SYNPO2: variants seen among roughly 807,000 people sequenced by gnomAD.
SYNPO2 encodes the protein synaptopodin-2.
Under a neutral mutation model 85.0 loss-of-function variants are expected in SYNPO2, and 56 were observed. That is an observed-to-expected ratio of 0.66 (90% CI 0.53 to 0.82). SYNPO2 has a LOEUF of 0.82. Among genes scored for constraint, SYNPO2 ranks in the 40% least tolerant of loss-of-function variants. The probability of loss-of-function intolerance (pLI) is 0.00; values close to 1 mark genes in which losing one functional copy is unlikely to be tolerated. For missense variants in SYNPO2, 1,575 were observed against 1,534.2 expected, an observed-to-expected ratio of 1.03 and a Z score of -0.44; for synonymous variants, 602 against 591.1, an observed-to-expected ratio of 1.02 and a Z score of -0.27.
intron 1 of SYNPO2, among the ~76,000 whole-genome samples, chr4:118,890,697 T>TTCTTTCTCTCTCTCTCTCTCTC (rs1553935597): frequency 8.6e-5 from 7 of 81,754 alleles, no homozygotes; most frequent in Non-Finnish European, 1.3e-4. Context: ...TCTCATCGGT[T>TTCTTTCTCTCTCTCTCTCTCTC]TCTCTCTCTC....
At chr4:118,990,818 A>T (rs781009140) in intron 1 of SYNPO2, among the ~76,000 whole-genome samples, 5 of 152,256 alleles carry the variant, frequency 3.3e-5, no homozygotes, top group South Asian at 2.1e-4. Context: ...CATGTTGCCC[A>T]GGCTGGTCTC....
chr4:118,952,392 T>G (rs1734732479), intron 1 of SYNPO2, among the ~76,000 whole-genome samples: 1 of 152,068 alleles, frequency 6.6e-6, no homozygotes, highest in Non-Finnish European at 1.5e-5. Context: ...TATTTTATTA[T>G]TATTATACTT....
In SYNPO2 at chr4:119,057,886, T is replaced by A; in HGVS notation, c.3738T>A (p.Ala1246=). The part of the protein sequence containing the change: ...ETRSDYCLPV[A]DYNYNPHPRG... ...GGTCTGATTACTGTCTTCCAGTAGC[T>A]GATTACAACTACAACCCACACCCAA... Residue 1246 remains alanine, a synonymous_variant, in exon 5 of 5, where the codon GCT becomes GCA. Transcript: ENST00000307142. 3.7e-6 allele frequency: 6 copies of A among 1,614,092 alleles called. No homozygotes were observed. The Admixed American group carries it at 6.7e-5, about 18-fold the overall frequency.
At chr4:118,996,402 T>A (rs1031554437) in intron 1 of SYNPO2, among the ~76,000 whole-genome samples, 3 of 152,214 alleles carry the variant, frequency 2.0e-5, no homozygotes, top group Admixed American at 6.5e-5. Flanking sequence ...GCCAGATGTA[T>A]AACTTGTTTT....
chr4:118,879,494 T>C (rs1209459981), intron 1 of SYNPO2, among the ~76,000 whole-genome samples: 1 of 152,180 alleles, frequency 6.6e-6, no homozygotes, highest in African/African-American at 2.4e-5. Context: ...AGAGATGATC[T>C]TTCTCTATGT....
At chr4:118,927,738 A>AGAT (rs879901349) in intron 1 of SYNPO2, among the ~76,000 whole-genome samples, 12,463 of 129,614 alleles carry the variant, frequency 0.096, 734 homozygotes, top group Middle Eastern at 0.11. Flanking sequence ...ATAGATAGAT[A>AGAT]GATAGATAGA....
At chr4:118,898,850 C>A (rs1299767929) in intron 1 of SYNPO2, among the ~76,000 whole-genome samples, 1 of 152,200 alleles carries the variant, frequency 6.6e-6, no homozygotes, top group Non-Finnish European at 1.5e-5. Context: ...TACCACAGTT[C>A]TCTCAAACAC....
chr4:118,950,062 A>AGAG lies in SYNPO2; in HGVS notation c.105+60923_105+60924insGGA, dbSNP rs546940815. Among the ~76,000 whole-genome samples the AGAG allele has an allele frequency of 7.2e-3, 1,088 of 151,532 alleles. 15 individuals are homozygous for AGAG. Among genetic ancestry groups the AGAG allele is most frequent in the African/African-American group, 0.024 (973 of 41,312 alleles). ...AGATGCATTTAACCAAGTTTGAAAA[A>AGAG]GATGACATTCTGTTAAAAGAAATCA... On this transcript the variant is annotated intron_variant, in intron 1 of 4. Transcript: ENST00000307142.
chr4:119,054,226 AG>A (rs1450009057), intron 4 of SYNPO2, among the ~76,000 whole-genome samples: 3 of 152,214 alleles, frequency 2.0e-5, no homozygotes, highest in South Asian at 2.1e-4. Flanking sequence ...GCGACCCCAA[AG>A]CCCCAGAGGG....
intron 1 of SYNPO2, among the ~76,000 whole-genome samples, chr4:118,890,607 C>T (rs189416684): frequency 9.5e-5 from 14 of 148,116 alleles, no homozygotes; most frequent in Non-Finnish European, 1.3e-4. Context: ...TTGGCTGGCT[C>T]TAGGTATGAG....
At chr4:119,057,031 A>T (rs1739228751) in intron 4 of SYNPO2, among the ~76,000 whole-genome samples, 1 of 152,206 alleles carries the variant, frequency 6.6e-6, no homozygotes, top group Non-Finnish European at 1.5e-5. Context: ...ACATATGCTT[A>T]TGTGGAGGGC....
rs756544350 is a variant in SYNPO2, at chr4:119,030,659, C to T, written c.1884C>T (p.Pro628=). The change falls in exon 4 of 5, where the codon CCC becomes CCT. Residue 628 remains proline, a synonymous_variant. Coordinates refer to ENST00000307142, the MANE Select transcript of SYNPO2 (RefSeq NM_133477.3). ...CACCTTACTCTGCAGTCACTCCTCC[C>T]CCTGACGCCTTCTCCAGAGGGGTTT... The part of the protein sequence containing the change: ...APPPYSAVTP[P]PDAFSRGVSS... 1 of 1,614,160 alleles carries T rather than the reference C, an allele frequency of 6.2e-7. No homozygotes were observed. Among genetic ancestry groups the T allele is most frequent in the Non-Finnish European group, 8.5e-7 (1 of 1,180,038 alleles).
At chr4:118,910,855 T>C (rs1733112243) in intron 1 of SYNPO2, among the ~76,000 whole-genome samples, 2 of 152,198 alleles carry the variant, frequency 1.3e-5, no homozygotes, top group Admixed American at 1.3e-4. Flanking sequence ...AGAATCATCC[T>C]TTAAAGTCCA....
intron 1 of SYNPO2, among the ~76,000 whole-genome samples, chr4:118,999,657 T>G (rs1249586934): frequency 2.0e-5 from 3 of 152,274 alleles, no homozygotes; most frequent in Non-Finnish European, 4.4e-5. Flanking sequence ...TGCAAAGTAA[T>G]TTTTACTGAG....
At chr4:119,051,585 C>T (rs1237651168) in intron 4 of SYNPO2, among the ~76,000 whole-genome samples, 1 of 152,154 alleles carries the variant, frequency 6.6e-6, no homozygotes, top group African/African-American at 2.4e-5. Context: ...AACCCCTCTT[C>T]TCTAGAGAGA....
At chr4:119,052,927 T>A (rs1739097682) in intron 4 of SYNPO2, among the ~76,000 whole-genome samples, 1 of 152,160 alleles carries the variant, frequency 6.6e-6, no homozygotes, top group African/African-American at 2.4e-5. Flanking sequence ...ATTTGATGGG[T>A]AAAGCTAATT....
chr4:118,991,451 T>C (rs1463088364), intron 1 of SYNPO2, among the ~76,000 whole-genome samples: 1 of 152,054 alleles, frequency 6.6e-6, no homozygotes, highest in East Asian at 1.9e-4. Flanking sequence ...CCCGGCCTGT[T>C]TTTGTTTTTT....
chr4:119,008,088 C>T (rs1451972799), intron 1 of SYNPO2, among the ~76,000 whole-genome samples: 1 of 152,146 alleles, frequency 6.6e-6, no homozygotes, highest in Non-Finnish European at 1.5e-5. Context: ...TTCAGGAACT[C>T]GGCCATATTC....
At chr4:118,938,217 G>C (rs1340343270) in intron 1 of SYNPO2, among the ~76,000 whole-genome samples, 1 of 152,162 alleles carries the variant, frequency 6.6e-6, no homozygotes, top group Admixed American at 6.5e-5. Flanking sequence ...TATTTGGGAG[G>C]CTGAGGCACA....
Sources: allele counts gnomAD v4.1 joint callset (sites outside exome capture counted in the v4.1 genomes callset), GRCh38; gene constraint gnomAD v4.1.1; transcripts MANE v1.5; gene names NCBI Gene and HGNC (gene_info 2026-07-23, HGNC 2026-07-21).